RASGRF1: variants seen among roughly 807,000 people sequenced by gnomAD.
RASGRF1 encodes Ras protein specific guanine nucleotide releasing factor 1.
In RASGRF1, 40 loss-of-function variants were observed where a neutral mutation model predicts 138.7. The ratio of observed to expected loss-of-function variants is 0.29; its 90% confidence interval spans 0.22 to 0.38. The LOEUF is 0.38. Among genes scored for constraint, RASGRF1 ranks in the 10% least tolerant of loss-of-function variants. The pLI is 1.00. For synonymous variants in RASGRF1, 614 were observed against 663.2 expected (o/e 0.93, Z 1.14); for missense variants, 1,108 against 1,650.4 (o/e 0.67, Z 5.69).
chr15:79,079,518 A>G (rs2057885654), intron 1 of RASGRF1, among the ~76,000 whole-genome samples: 1 of 152,126 alleles, frequency 6.6e-6, no homozygotes, highest in Non-Finnish European at 1.5e-5. Context: ...CACAAAAAAG[A>G]ATGGTGATCA....
At chr15:79,088,414 C>T (rs985029111) in intron 1 of RASGRF1, among the ~76,000 whole-genome samples, 1 of 152,224 alleles carries the variant, frequency 6.6e-6, no homozygotes, top group Non-Finnish European at 1.5e-5. Context: ...GTGTTATTAT[C>T]TTCATTTTGT....
intron 8 of RASGRF1, among the ~76,000 whole-genome samples, chr15:79,030,436 G>A (rs1339421267): frequency 2.0e-5 from 3 of 152,244 alleles, no homozygotes; most frequent in Admixed American, 1.3e-4. Context: ...TTCCCTTGGC[G>A]GTCTCACCAG....
chr15:78,980,352 A>G (rs2055995681), intron 24 of RASGRF1: 1 of 320,148 alleles, frequency 3.1e-6, no homozygotes, highest in Non-Finnish European at 5.7e-6. Flanking sequence ...TGGCACCACT[A>G]CTATTATCAT....
chr15:78,996,266 G>A (rs2056389230), intron 19 of RASGRF1, among the ~76,000 whole-genome samples: 1 of 152,200 alleles, frequency 6.6e-6, no homozygotes, highest in South Asian at 2.1e-4. Context: ...AATTGGGAGA[G>A]CAGAGGAGAG....
At chr15:79,049,466 A>G (rs534978304) in intron 4 of RASGRF1, 30 bp downstream of exon 4, 22 of 1,606,598 alleles carry the variant, frequency 1.4e-5, no homozygotes, top group Non-Finnish European at 1.4e-5. Flanking sequence ...GAGAGCTCCA[A>G]AGAAGGCCAC....
chr15:79,075,519 G>A (rs1456794576), intron 1 of RASGRF1, among the ~76,000 whole-genome samples: 2 of 152,184 alleles, frequency 1.3e-5, no homozygotes, highest in Admixed American at 1.3e-4. Context: ...TCTGGAAGCT[G>A]GGGCTGGGGG....
intron 1 of RASGRF1, among the ~76,000 whole-genome samples, chr15:79,080,330 AG>A (rs1200199226): frequency 6.6e-6 from 1 of 152,092 alleles, no homozygotes; most frequent in East Asian, 1.9e-4. Context: ...TAGTGCAGTG[AG>A]GGGGCAGGAA....
intron 10 of RASGRF1, among the ~76,000 whole-genome samples, chr15:79,020,890 G>T (rs546942372): frequency 3.3e-5 from 5 of 152,298 alleles, no homozygotes; most frequent in Admixed American, 2.0e-4. Context: ...CTAATTAAAA[G>T]AATAAATCAG....
chr15:79,072,681 T>C (rs1347127852), intron 1 of RASGRF1, among the ~76,000 whole-genome samples: 1 of 152,190 alleles, frequency 6.6e-6, no homozygotes, highest in Admixed American at 6.5e-5. Flanking sequence ...GGTTCAGAGC[T>C]CTGGCTGACC....
intron 11 of RASGRF1, among the ~76,000 whole-genome samples, chr15:79,018,451 G>A (rs2056911895): frequency 6.6e-6 from 1 of 152,218 alleles, no homozygotes; most frequent in East Asian, 1.9e-4. Flanking sequence ...AGTCTTGAAA[G>A]CTGTTTATTT....
At chr15:79,026,300 T>C (rs1404542290) in intron 9 of RASGRF1, among the ~76,000 whole-genome samples, 1 of 152,200 alleles carries the variant, frequency 6.6e-6, no homozygotes, top group Admixed American at 6.5e-5. Flanking sequence ...TTAGCCTGAG[T>C]GTCACTCTTA....
chr15:78,968,091 A>T (rs73472349), intron 26 of RASGRF1, among the ~76,000 whole-genome samples: 2,997 of 151,202 alleles, frequency 0.02, 121 homozygotes, highest in African/African-American at 0.069. Flanking sequence ...TTTTGAAAAA[A>T]TTTTTTTTCA....
intron 4 of RASGRF1, 33 bp from the exon 5 acceptor site, chr15:79,047,032 G>C: frequency 1.3e-6 from 2 of 1,597,344 alleles, no homozygotes; most frequent in Non-Finnish European, 8.5e-7. Context: ...AGAGGCTCCT[G>C]TCAGGGAGTC....
chr15:79,011,481 A>G (rs1263988111), intron 13 of RASGRF1, among the ~76,000 whole-genome samples: 2 of 152,206 alleles, frequency 1.3e-5, no homozygotes, highest in African/African-American at 4.8e-5. Context: ...GGAACATTCA[A>G]TATTTATTAG....
rs1329255086 is a variant in RASGRF1, at chr15:79,046,189, C to A, written c.878+557G>T. Among the ~76,000 whole-genome samples, 1 of 152,192 alleles carries A rather than the reference C, an allele frequency of 6.6e-6. No homozygotes were observed. The highest frequency in any genetic ancestry group is 1.5e-5 in the Non-Finnish European group (1 of 68,040). ...CGTGGTCCACAGCAGAACTCTAAGG[C>A]ACCTGAGAATTCTAAGTTTCAACCT... On this transcript the variant is annotated intron_variant, in intron 5 of 26. Coordinates refer to ENST00000558480, the MANE Select transcript of RASGRF1 (RefSeq NM_001145648.3). The surrounding 1 kb of genome is among the most constrained non-coding windows in gnomAD (Gnocchi z 5.3).
chr15:79,010,268 C>G (rs1423555210), intron 13 of RASGRF1, among the ~76,000 whole-genome samples: 1 of 152,076 alleles, frequency 6.6e-6, no homozygotes, highest in East Asian at 1.9e-4. Context: ...GACCTCCTGA[C>G]CTCAATTGAT....
intron 24 of RASGRF1, chr15:78,979,076 G>A (rs765287994): frequency 1.3e-5 from 17 of 1,290,084 alleles, no homozygotes; most frequent in African/African-American, 3.0e-5. Context: ...GTGGTGCCCC[G>A]GGGGCGGACG....
intron 17 of RASGRF1, among the ~76,000 whole-genome samples, chr15:78,999,492 C>T (rs1480479762): frequency 6.6e-6 from 1 of 152,104 alleles, no homozygotes; most frequent in African/African-American, 2.4e-5. Context: ...TGTGACCCAG[C>T]ACCTCCACAA....
At chr15:79,078,423 G>A (rs776751667) in intron 1 of RASGRF1, among the ~76,000 whole-genome samples, 5 of 152,334 alleles carry the variant, frequency 3.3e-5, no homozygotes, top group East Asian at 1.9e-4. Flanking sequence ...TGCTCATGCC[G>A]TGGTGTACAG....
Sources: allele counts gnomAD v4.1 joint callset (sites outside exome capture counted in the v4.1 genomes callset), GRCh38; gene constraint gnomAD v4.1.1; non-coding constraint Gnocchi (gnomAD v3.1); transcripts MANE v1.5; gene names NCBI Gene and HGNC (gene_info 2026-07-23, HGNC 2026-07-21).